The following UGT1A7 variants were observed in gnomAD, a reference collection of about 807,000 sequenced individuals.
UGT1A7 encodes the protein UDP glucuronosyltransferase family 1 member A7.
Under a neutral mutation model 45.6 loss-of-function variants are expected in UGT1A7, and 33 were observed. The observed-to-expected ratio is 0.72, with a 90% CI of 0.55 to 0.97. The LOEUF is 0.97. Ranked by LOEUF, UGT1A7 falls within the 50% of genes least tolerant of loss-of-function variation. The pLI, the probability that UGT1A7 is intolerant of heterozygous loss-of-function variation, is 0.00. For synonymous variants in UGT1A7, 274 were observed against 250.6 expected (o/e 1.09, Z -0.88); for missense variants, 684 against 666.2 (o/e 1.03, Z -0.29).
chr2:233,712,904 C>T, intron 1 of UGT1A7: 1 of 1,609,906 alleles, frequency 6.2e-7, no homozygotes, highest in African/African-American at 1.3e-5. Flanking sequence ...TGCTAGGTGT[C>T]TCAGTGACAA....
chr2:233,709,261 T>G (rs1161769974), intron 1 of UGT1A7, among the ~76,000 whole-genome samples: 1 of 152,190 alleles, frequency 6.6e-6, no homozygotes, highest in Non-Finnish European at 1.5e-5. Flanking sequence ...GGAAATAACT[T>G]GTCCACGCTG....
intron 1 of UGT1A7, among the ~76,000 whole-genome samples, chr2:233,738,366 T>C (rs1389802664): frequency 6.6e-6 from 1 of 152,176 alleles, no homozygotes; most frequent in African/African-American, 2.4e-5. Context: ...GGTACTGCTA[T>C]AAAACTACTT....
chr2:233,714,121 CTGTT>C (rs2076367442), intron 1 of UGT1A7, among the ~76,000 whole-genome samples: 1 of 152,078 alleles, frequency 6.6e-6, no homozygotes, highest in African/African-American at 2.4e-5. Flanking sequence ...CTCACGGAGA[CTGTT>C]CGTTTGTAAA....
intron 1 of UGT1A7, among the ~76,000 whole-genome samples, chr2:233,704,256 CTT>C (rs59925871): frequency 4.9e-4 from 60 of 123,596 alleles, no homozygotes; most frequent in Non-Finnish European, 7.4e-4. Flanking sequence ...GCCTTTATTG[CTT>C]TTTTTTTTTT....
At chr2:233,744,164 C>T (rs974356538) in intron 1 of UGT1A7, 1 of 281,484 alleles carries the variant, frequency 3.6e-6, no homozygotes, top group African/African-American at 2.2e-5. Context: ...GCCCCGCCCA[C>T]TCCGGCCTCC....
chr2:233,685,524 C>G lies in UGT1A7; in HGVS notation c.855+2732C>G, dbSNP rs535145479. 1.7e-3 allele frequency among the ~76,000 whole-genome samples: 266 copies of G among 152,298 alleles called. 1 individual carries two copies. Among genetic ancestry groups the G allele is most frequent in the African/African-American group, 6.3e-3 (261 of 41,558 alleles). ...CAGCAAGAAAAGATCTATGCTTTCCCCATTGCTCTCGCATTCTGTTTTTGA... is the reference window on the plus strand; with the variant it reads ...CAGCAAGAAAAGATCTATGCTTTCCGCATTGCTCTCGCATTCTGTTTTTGA... On this transcript the variant is annotated intron_variant, in intron 1 of 4. Transcript: ENST00000373426.
chr2:233,744,158 C>T (rs1163100045), intron 1 of UGT1A7: 5 of 297,370 alleles, frequency 1.7e-5, no homozygotes, highest in Admixed American at 4.5e-5. Context: ...GACCAGGCCC[C>T]GCCCACTCCG....
rs1022638248 is a variant in UGT1A7, at chr2:233,725,056, G to A, written c.856-41978G>A. On this transcript the variant is annotated intron_variant, in intron 1 of 4. Coordinates refer to ENST00000373426, the MANE Select transcript of UGT1A7 (RefSeq NM_019077.3). ...ACCAAAACCAGTCAGGCGTGGCGGC[G>A]CGCGCCTGCAATCGCAGGCACTCGG... Among the ~76,000 whole-genome samples the A allele has an allele frequency of 2.3e-4, 34 of 147,566 alleles. 1 individual carries two copies. Among genetic ancestry groups the A allele is most frequent in the African/African-American group, 3.0e-4 (12 of 39,600 alleles).
At chr2:233,770,801 A>C (rs1025526475) in intron 4 of UGT1A7, 2 of 152,250 alleles carry the variant, frequency 1.3e-5, no homozygotes, top group African/African-American at 4.8e-5. Flanking sequence ...ATATGTTTAA[A>C]GACAGTGTAT....
intron 1 of UGT1A7, among the ~76,000 whole-genome samples, chr2:233,758,134 G>A (rs1262322592): frequency 6.6e-6 from 1 of 152,212 alleles, no homozygotes; most frequent in Non-Finnish European, 1.5e-5. Context: ...ATATTTGGCA[G>A]ATGAGGGAAT....
chr2:233,692,984 G>A (rs2075124795), intron 1 of UGT1A7: 7 of 1,613,412 alleles, frequency 4.3e-6, no homozygotes, highest in Non-Finnish European at 5.9e-6. Context: ...TATTACCGTT[G>A]TTACTTTAAC....
intron 1 of UGT1A7, chr2:233,760,208 A>G: frequency 6.3e-7 from 1 of 1,589,248 alleles, no homozygotes; most frequent in Non-Finnish European, 8.5e-7. Flanking sequence ...TCAAACATTA[A>G]CTTGGTGTAT....
chr2:233,704,582 A>G (rs1433849632), intron 1 of UGT1A7, among the ~76,000 whole-genome samples: 2 of 152,188 alleles, frequency 1.3e-5, no homozygotes, highest in African/African-American at 4.8e-5. Context: ...TTCAAGAATC[A>G]GAGAGAAGAA....
At chr2:233,689,780 T>C in intron 1 of UGT1A7, 1 of 400,764 alleles carries the variant, frequency 2.5e-6, no homozygotes, top group South Asian at 1.9e-5. Context: ...GGGACATATG[T>C]TATGATGTGA....
chr2:233,767,737 C>A, intron 2 of UGT1A7, 112 bp from the exon 3 acceptor site: 1 of 1,571,400 alleles, frequency 6.4e-7, no homozygotes, highest in South Asian at 1.2e-5. Context: ...TCCTCCCACT[C>A]TGTTAAAGAC....
intron 1 of UGT1A7, among the ~76,000 whole-genome samples, chr2:233,704,462 A>G (rs989153575): frequency 1.3e-5 from 2 of 151,938 alleles, no homozygotes; most frequent in African/African-American, 4.8e-5. Flanking sequence ...ATATAGCTCT[A>G]TTTCCTTTCT....
intron 1 of UGT1A7, among the ~76,000 whole-genome samples, chr2:233,714,661 A>G (rs2076404263): frequency 6.6e-6 from 1 of 152,228 alleles, no homozygotes; most frequent in African/African-American, 2.4e-5. Context: ...TTATTTAACC[A>G]GATGTATCCC....
chr2:233,686,156 A>G (rs2074775792), intron 1 of UGT1A7, among the ~76,000 whole-genome samples: 1 of 152,322 alleles, frequency 6.6e-6, no homozygotes, highest in East Asian at 1.9e-4. Context: ...GAAATGGATC[A>G]AAGACCTAAA....
chr2:233,689,524 T>C (rs2074948566), intron 1 of UGT1A7, among the ~76,000 whole-genome samples: 1 of 152,254 alleles, frequency 6.6e-6, no homozygotes, highest in Non-Finnish European at 1.5e-5. Flanking sequence ...GGTTTGGTCA[T>C]GAGAAGTGAG....
Sources: allele counts gnomAD v4.1 joint callset (sites outside exome capture counted in the v4.1 genomes callset), GRCh38; gene constraint gnomAD v4.1.1; transcripts MANE v1.5; gene names NCBI Gene and HGNC (gene_info 2026-07-23, HGNC 2026-07-21).